Variants in BCL7C observed in about 807,000 individuals in gnomAD.
The protein encoded by BCL7C is B-cell CLL/lymphoma 7 protein family member C.
A neutral mutation model predicts 26.2 loss-of-function variants in BCL7C; 8 were observed. That is an observed-to-expected ratio of 0.30 (90% CI 0.18 to 0.55). BCL7C has a LOEUF of 0.55. Ranked by LOEUF, BCL7C falls within the 20% of genes least tolerant of loss-of-function variation. The pLI, the probability that BCL7C is intolerant of heterozygous loss-of-function variation, is 0.93. For synonymous variants in BCL7C, 90 were observed against 116.5 expected, an observed-to-expected ratio of 0.77 and a Z score of 1.47; for missense variants, 262 against 298.5, an observed-to-expected ratio of 0.88 and a Z score of 0.90.
chr16:30,849,201 A>G (rs1450593119), intron 5 of BCL7C, among the ~76,000 whole-genome samples: 1 of 151,794 alleles, frequency 6.6e-6, no homozygotes, highest in African/African-American at 2.4e-5. Flanking sequence ...AAAAAAAAAG[A>G]AAAAGAAAAA....
chr16:30,853,004 C>T (rs569785486), intron 5 of BCL7C, among the ~76,000 whole-genome samples: 9 of 152,056 alleles, frequency 5.9e-5, no homozygotes, highest in East Asian at 3.9e-4. Flanking sequence ...GGCATGATCA[C>T]GGCTCACCGC....
intron 5 of BCL7C, among the ~76,000 whole-genome samples, chr16:30,882,669 C>T (rs1246793538): frequency 6.6e-6 from 1 of 152,146 alleles, no homozygotes; most frequent in East Asian, 1.9e-4. Flanking sequence ...GGGCTCCATC[C>T]TGCAGGTAGT....
intron 5 of BCL7C, chr16:30,875,317 T>A (rs1046941027): frequency 6.5e-6 from 1 of 153,852 alleles, no homozygotes; most frequent in African/African-American, 2.4e-5. Context: ...TGCGCACTGC[T>A]GAGGTTGCCC....
At chr16:30,836,803 T>G (rs1226976932) in intron 5 of BCL7C, among the ~76,000 whole-genome samples, 1 of 151,384 alleles carries the variant, frequency 6.6e-6, no homozygotes, top group Non-Finnish European at 1.5e-5. Context: ...ATTTTTTTTT[T>G]TGTTTTTTGA....
At chr16:30,842,007 G>A (rs1337298175) in intron 5 of BCL7C, among the ~76,000 whole-genome samples, 6 of 7,892 alleles carry the variant, frequency 7.6e-4, no homozygotes, top group African/African-American at 7.9e-4. Context: ...CAGAGACAAG[G>A]TGCCCCCTGA....
At chr16:30,858,368 G>A (rs1481835153) in intron 5 of BCL7C, among the ~76,000 whole-genome samples, 1 of 152,106 alleles carries the variant, frequency 6.6e-6, no homozygotes. Context: ...GTGACCTATG[G>A]CCACTCACCA....
intron 5 of BCL7C, among the ~76,000 whole-genome samples, chr16:30,844,273 C>A (rs1486538240): frequency 7.2e-6 from 1 of 138,848 alleles, no homozygotes. Flanking sequence ...CTGCTTGAAC[C>A]CAGGGGGCAG....
intron 5 of BCL7C, among the ~76,000 whole-genome samples, chr16:30,846,812 G>C (rs2054639431): frequency 6.6e-6 from 1 of 152,220 alleles, no homozygotes; most frequent in Non-Finnish European, 1.5e-5. Flanking sequence ...TGAGCTCCTT[G>C]CCTTGGGAAG....
At chr16:30,850,164 C>T (rs1199686819) in intron 5 of BCL7C, among the ~76,000 whole-genome samples, 2 of 145,394 alleles carry the variant, frequency 1.4e-5, no homozygotes, top group African/African-American at 2.6e-5. Flanking sequence ...GAGCCGAGAT[C>T]GCATCACTGC....
At chr16:30,891,151 A>T (rs920300957) in intron 4 of BCL7C, among the ~76,000 whole-genome samples, 6 of 147,766 alleles carry the variant, frequency 4.1e-5, no homozygotes, top group Non-Finnish European at 7.4e-5. Context: ...CCTGGGCAAC[A>T]GAGCAAGACT....
chr16:30,893,846 C>T lies in BCL7C; in HGVS notation c.92+7G>A, dbSNP rs758667437. 8 of 1,600,306 alleles carry T rather than the reference C, an allele frequency of 5.0e-6. No individual in the cohort carries two copies. In the Admixed American group the frequency reaches 1.3e-4, roughly 27 times the overall value. ...TGTCCCGTCCCTGGCCCCCGAGCAG[C>T]GCTCACCATCTCCGGACCTTCTCGA... is the stretch of plus-strand genomic sequence containing the variant. On this transcript the variant is annotated splice_region_variant and intron_variant, in intron 1 of 5. Coordinates refer to ENST00000215115, the MANE Select transcript of BCL7C (RefSeq NM_004765.4). This position sits in a 1 kb window ranked among gnomAD's most constrained non-coding sequence, Gnocchi z 5.2.
chr16:30,839,325 G>T (rs559243611), intron 5 of BCL7C, among the ~76,000 whole-genome samples: 1 of 152,262 alleles, frequency 6.6e-6, no homozygotes, highest in Admixed American at 6.5e-5. Flanking sequence ...CTTCTCGCAG[G>T]GTCTGGGGCA....
chr16:30,854,189 A>C (rs1206072887), intron 5 of BCL7C, among the ~76,000 whole-genome samples: 2 of 152,234 alleles, frequency 1.3e-5, no homozygotes, highest in Non-Finnish European at 2.9e-5. Flanking sequence ...GGAGGGGAAA[A>C]CACCACTTAG....
chr16:30,842,229 C>T (rs766859401), intron 5 of BCL7C, among the ~76,000 whole-genome samples: 82 of 152,110 alleles, frequency 5.4e-4, no homozygotes, highest in Non-Finnish European at 7.6e-4. Context: ...ACAAGGAGAA[C>T]AAGGCCATTT....
chr16:30,891,384 C>A (rs1303101386), intron 4 of BCL7C, among the ~76,000 whole-genome samples: 1 of 151,950 alleles, frequency 6.6e-6, no homozygotes, highest in Non-Finnish European at 1.5e-5. Flanking sequence ...ATTGCCTGAA[C>A]CCAGGAGGTG....
At chr16:30,849,089 A>G (rs2054654245) in intron 5 of BCL7C, among the ~76,000 whole-genome samples, 1 of 151,732 alleles carries the variant, frequency 6.6e-6, no homozygotes, top group Admixed American at 6.6e-5. Flanking sequence ...CGGGAGGCTG[A>G]GACAGAAGAA....
At chr16:30,891,967 AAG>A (rs1491378512) in intron 4 of BCL7C, among the ~76,000 whole-genome samples, 1 of 149,264 alleles carries the variant, frequency 6.7e-6, no homozygotes, top group South Asian at 2.2e-4. Flanking sequence ...CTCTAAAAAA[AAG>A]GGGGGGGAGG....
intron 5 of BCL7C, among the ~76,000 whole-genome samples, chr16:30,850,404 G>A (rs1019887664): frequency 6.6e-6 from 1 of 152,014 alleles, no homozygotes; most frequent in South Asian, 2.1e-4. Flanking sequence ...GTCATGTGTT[G>A]CTTAACAATG....
intron 5 of BCL7C, among the ~76,000 whole-genome samples, chr16:30,873,424 A>G (rs2054898244): frequency 6.6e-6 from 1 of 152,172 alleles, no homozygotes; most frequent in East Asian, 1.9e-4. Context: ...GGTAATGAAA[A>G]TGTTCTAAAA....
Sources: gnomAD v4.1 joint callset for allele counts (sites outside exome capture counted in the v4.1 genomes callset) on GRCh38, gnomAD v4.1.1 for gene constraint, Gnocchi (gnomAD v3.1) non-coding constraint, MANE v1.5 for transcripts, NCBI Gene and HGNC (gene_info 2026-07-23, HGNC 2026-07-21) for gene names.